The following IGF1R variants were observed in gnomAD, a reference collection of about 807,000 sequenced individuals.
IGF1R encodes insulin-like growth factor 1 receptor.
A neutral mutation model predicts 144.6 loss-of-function variants in IGF1R; 44 were observed. The ratio of observed to expected loss-of-function variants is 0.30; its 90% CI spans 0.24 to 0.39. IGF1R has a LOEUF of 0.39. Ranked by LOEUF, IGF1R falls within the 10% of genes least tolerant of loss-of-function variation. The pLI, the probability that IGF1R is intolerant of heterozygous loss-of-function variation, is 1.00. For synonymous variants in IGF1R, 795 were observed against 722.8 expected (o/e 1.10, Z -1.60); for missense variants, 1,355 against 1,833.7 (o/e 0.74, Z 4.77).
chr15:98,957,231 A>C lies in IGF1R; in HGVS notation c.3893A>C (p.Glu1298Ala). Residue 1298 changes from glutamate (E) to alanine (A), a missense_variant, in exon 21 of 21, where the codon GAG (glutamate) becomes GCG (alanine). Glu to Ala is a moderately radical substitution (Grantham distance 107). Transcript: ENST00000650285. ...CCGGAGGAGCTGGACCTGGAGCCAG[A>C]GAACATGGAGAGCGTCCCCCTGGAC... ...PEPEELDLEPENMESVPLDPS... is the reference protein window; with the variant it reads ...PEPEELDLEPANMESVPLDPS... 2 of 1,614,254 alleles carry C rather than the reference A, an allele frequency of 1.2e-6. No homozygotes were observed. Among genetic ancestry groups the C allele is most frequent in the South Asian group, 1.1e-5 (1 of 91,088 alleles).
intron 2 of IGF1R, among the ~76,000 whole-genome samples, chr15:98,736,897 C>G (rs1474942771): frequency 1.3e-5 from 2 of 152,146 alleles, no homozygotes; most frequent in African/African-American, 4.8e-5. Flanking sequence ...CAGGCGTGAG[C>G]CACCGAGCCT....
chr15:98,791,822 C>A (rs549738636), intron 2 of IGF1R, among the ~76,000 whole-genome samples: 1 of 152,170 alleles, frequency 6.6e-6, no homozygotes, highest in Non-Finnish European at 1.5e-5. Context: ...GCATGTTTAA[C>A]GTTCCTGTTA....
chr15:98,788,056 CTCTCTCTGTGTGTGTG>C (rs1344232484), intron 2 of IGF1R, among the ~76,000 whole-genome samples: 109 of 106,446 alleles, frequency 1.0e-3, no homozygotes, highest in African/African-American at 3.0e-3. Context: ...CTCTCTCTCT[CTCTCTCTGTGTGTGTG>C]TGTGTGTGTG....
intron 13 of IGF1R, among the ~76,000 whole-genome samples, chr15:98,927,966 A>C (rs1355205478): frequency 6.6e-6 from 1 of 152,168 alleles, no homozygotes. Flanking sequence ...TGCCCTCGAA[A>C]GGCCTCTTCT....
At chr15:98,790,699 G>T (rs1406183819) in intron 2 of IGF1R, among the ~76,000 whole-genome samples, 1 of 152,114 alleles carries the variant, frequency 6.6e-6, no homozygotes, top group East Asian at 1.9e-4. Flanking sequence ...TAAGGAAATC[G>T]GAAGGAAAAC....
At chr15:98,910,431 A>G (rs1470766740) in intron 6 of IGF1R, among the ~76,000 whole-genome samples, 2 of 152,240 alleles carry the variant, frequency 1.3e-5, no homozygotes, top group Non-Finnish European at 2.9e-5. Context: ...TCAGTTGCGC[A>G]CATTTTGTCC....
chr15:98,663,843 G>A (rs1008966229), intron 1 of IGF1R, among the ~76,000 whole-genome samples: 1 of 152,262 alleles, frequency 6.6e-6, no homozygotes, highest in Non-Finnish European at 1.5e-5. Flanking sequence ...GGAACAGTTT[G>A]TTTAAAGAGG....
At chr15:98,881,476 C>T (rs762231645) in intron 2 of IGF1R, among the ~76,000 whole-genome samples, 1 of 152,194 alleles carries the variant, frequency 6.6e-6, no homozygotes, top group Non-Finnish European at 1.5e-5. Context: ...GTGCCCACCA[C>T]CACACCTAGC....
intron 1 of IGF1R, among the ~76,000 whole-genome samples, chr15:98,702,368 A>G (rs2053757821): frequency 6.6e-6 from 1 of 151,972 alleles, no homozygotes; most frequent in African/African-American, 2.4e-5. Context: ...TTGTTTTTTG[A>G]GACAGAATCT....
At chr15:98,929,466 AT>A (rs1249256818) in intron 13 of IGF1R, 91 bp from the exon 14 acceptor site, 12 of 987,732 alleles carry the variant, frequency 1.2e-5, no homozygotes, top group Admixed American at 8.5e-5. Flanking sequence ...ATATACAGGT[AT>A]TTTTTTCATA....
chr15:98,702,007 C>A (rs1204950213), intron 1 of IGF1R, among the ~76,000 whole-genome samples: 1 of 149,044 alleles, frequency 6.7e-6, no homozygotes, highest in East Asian at 2.0e-4. Context: ...TGGTAAATGG[C>A]ACTCTGGGCT....
At chr15:98,681,003 G>T (rs1362292242) in intron 1 of IGF1R, among the ~76,000 whole-genome samples, 2 of 152,120 alleles carry the variant, frequency 1.3e-5, no homozygotes, top group Non-Finnish European at 2.9e-5. Flanking sequence ...CAGGTTTGCA[G>T]GTTGGTAGCC....
At chr15:98,841,829 C>T (rs1192794510) in intron 2 of IGF1R, among the ~76,000 whole-genome samples, 1 of 152,138 alleles carries the variant, frequency 6.6e-6, no homozygotes, top group Non-Finnish European at 1.5e-5. Context: ...ACATGGAGCA[C>T]CACTCTCCCC....
At chr15:98,793,612 A>G (rs72752818) in intron 2 of IGF1R, among the ~76,000 whole-genome samples, 1 of 152,352 alleles carries the variant, frequency 6.6e-6, no homozygotes, top group Non-Finnish European at 1.5e-5. Flanking sequence ...TGTTATTTTG[A>G]CAGAAATATT....
chr15:98,709,874 A>G (rs180682328), intron 2 of IGF1R, among the ~76,000 whole-genome samples: 53 of 152,312 alleles, frequency 3.5e-4, no homozygotes, highest in Non-Finnish European at 6.3e-4. Context: ...CGAACTAGGT[A>G]GGTAGTTACT....
At chr15:98,883,157 T>C (rs2013463702) in intron 2 of IGF1R, among the ~76,000 whole-genome samples, 1 of 152,238 alleles carries the variant, frequency 6.6e-6, no homozygotes, top group Non-Finnish European at 1.5e-5. Flanking sequence ...TGATTTTCTT[T>C]TGTGAACGTT....
chr15:98,801,348 G>C (rs2056359758), intron 2 of IGF1R, among the ~76,000 whole-genome samples: 1 of 152,184 alleles, frequency 6.6e-6, no homozygotes, highest in Non-Finnish European at 1.5e-5. Flanking sequence ...TGACAATGCT[G>C]GTCCCCCTCC....
At chr15:98,838,428 A>G (rs1209068741) in intron 2 of IGF1R, among the ~76,000 whole-genome samples, 1 of 152,216 alleles carries the variant, frequency 6.6e-6, no homozygotes, top group South Asian at 2.1e-4. Flanking sequence ...AACTAAAACT[A>G]TTCTAGGACT....
intron 11 of IGF1R, among the ~76,000 whole-genome samples, chr15:98,923,340 C>T (rs925810336): frequency 2.0e-5 from 3 of 152,242 alleles, no homozygotes; most frequent in African/African-American, 4.8e-5. Flanking sequence ...CCTCACAGGC[C>T]GGGCTCGGGG....
Sources: allele counts gnomAD v4.1 joint callset (sites outside exome capture counted in the v4.1 genomes callset), GRCh38; gene constraint gnomAD v4.1.1; transcripts MANE v1.5; gene names NCBI Gene and HGNC (gene_info 2026-07-23, HGNC 2026-07-21).